ERBB3: variants seen among roughly 807,000 people sequenced by gnomAD.
ERBB3 encodes erb-b2 receptor tyrosine kinase 3.
In ERBB3, 96 loss-of-function variants were observed where a neutral mutation model predicts 156.7. The ratio of observed to expected loss-of-function variants is 0.61; its 90% CI spans 0.52 to 0.73. The LOEUF is 0.73. ERBB3 is among the 30% of genes least tolerant of loss of function. The pLI, the probability that ERBB3 is intolerant of heterozygous loss-of-function variation, is 0.00. For synonymous variants in ERBB3, 567 were observed against 632.0 expected (o/e 0.90, Z 1.54); for missense variants, 1,406 against 1,709.4 (o/e 0.82, Z 3.13).
Position 56,096,531 on chromosome 12 carries a change from A to G in ERBB3, c.2084A>G (p.Lys695Arg). Reference sequence around the variant, plus strand: ...ATAGAGCCTCTGGACCCCAGTGAGAAGGCTAACAAAGTCTTGGCCAGAATC... The same window carrying G: ...ATAGAGCCTCTGGACCCCAGTGAGAGGGCTAACAAAGTCTTGGCCAGAATC... ...ESIEPLDPSE[K>R]ANKVLARIFK... The change falls in exon 18 of 28, where the codon AAG (lysine) becomes AGG (arginine). Residue 695 changes from lysine to arginine, a missense_variant. Lys to Arg is a conservative substitution (Grantham distance 26). Around this residue, in one of 3 missense-constraint regions of ERBB3, gnomAD observed 979 missense variants for 1,219.6 expected, o/e 0.80. Transcript: ENST00000267101. 1 of 1,614,192 alleles carries G rather than the reference A, an allele frequency of 6.2e-7. No individual in the cohort carries two copies. Among genetic ancestry groups the G allele is most frequent in the Non-Finnish European group, 8.5e-7 (1 of 1,180,034 alleles).
In ERBB3 at chr12:56,102,603, T is replaced by G. The variant is rs891001243; in HGVS notation, c.*548T>G. On this transcript the variant is annotated 3_prime_UTR_variant, in exon 28 of 28. Transcript: ENST00000267101. Reference sequence around the variant, plus strand: ...CTATGAGCCAGGCATCATACTAAACTTCACCTACATTATCTCACTTAGTCC... The same window carrying G: ...CTATGAGCCAGGCATCATACTAAACGTCACCTACATTATCTCACTTAGTCC... 1 of 234,924 alleles carries G rather than the reference T, an allele frequency of 4.3e-6. No individual in the cohort carries two copies. Among genetic ancestry groups the G allele is most frequent in the Non-Finnish European group, 8.4e-6 (1 of 119,160 alleles). The allele number at this position is 234,924 out of a possible 1,614,324, so 14.6% of individuals were successfully genotyped here.
Position 56,098,481 on chromosome 12 carries a change from C to T in ERBB3, c.2617-19C>T, listed in dbSNP as rs747986362. 3.2e-6 allele frequency: 5 copies of T among 1,566,654 alleles called. No individual in the cohort carries two copies. In the Admixed American group the frequency reaches 6.7e-5, roughly 21 times the overall value. ...ATTTGTGGAAATAAACTTGTGATAC[C>T]TCTATCTTTAATCCGCAGACTCCAA... On this transcript the variant is annotated intron_variant, in intron 21 of 27. Transcript: ENST00000267101.
chr12:56,101,302 C>G lies in ERBB3; in HGVS notation c.3443C>G (p.Pro1148Arg), dbSNP rs1440261450. 1 of 1,614,202 alleles carries G rather than the reference C, an allele frequency of 6.2e-7. No individual in the cohort carries two copies. The highest frequency in any genetic ancestry group is 8.5e-7 in the Non-Finnish European group (1 of 1,180,032). Residue 1148 changes from proline to arginine, a missense_variant, in exon 27 of 28, where the codon CCA becomes CGA. Transcript: ENST00000267101. ...SLLTPVTPLS[P>R]PGLEEEDVNG... ...CTGACTCCTGTTACCCCACTCTCCC[C>G]ACCCGGGTTAGAGGAAGAGGATGTC...
At chr12:56,089,474 C>A (rs1034429505) in intron 9 of ERBB3, among the ~76,000 whole-genome samples, 2 of 152,000 alleles carry the variant, frequency 1.3e-5, no homozygotes, top group Non-Finnish European at 2.9e-5. Flanking sequence ...CAGGCTGGGC[C>A]CGGTGGCTCA....
Position 56,093,467 on chromosome 12 carries a change from A to G in ERBB3, c.1397A>G (p.His466Arg), listed in dbSNP as rs1408437991. Reference sequence around the variant, plus strand: ...GCCAATAGGCAGCTCTGCTACCACCACTCTTTGAACTGGACCAAGGTGCTT... The same window carrying G: ...GCCAATAGGCAGCTCTGCTACCACCGCTCTTTGAACTGGACCAAGGTGCTT... Reference protein sequence around the residue: ...ISANRQLCYHHSLNWTKVLRG... With the variant: ...ISANRQLCYHRSLNWTKVLRG... The change falls in exon 12 of 28, where the codon CAC becomes CGC. Residue 466 changes from histidine to arginine, a missense_variant. Around this residue, in one of 3 missense-constraint regions of ERBB3, gnomAD observed 979 missense variants for 1,219.6 expected, o/e 0.80. Coordinates refer to ENST00000267101, the MANE Select transcript of ERBB3 (RefSeq NM_001982.4). 3.1e-6 allele frequency: 5 copies of G among 1,613,480 alleles called. No individual in the cohort carries two copies. Among genetic ancestry groups the G allele is most frequent in the Non-Finnish European group, 4.2e-6 (5 of 1,179,924 alleles).
chr12:56,096,909 A>G (rs1868907426), intron 19 of ERBB3, 63 bp downstream of exon 19: 1 of 1,435,756 alleles, frequency 7.0e-7, no homozygotes, highest in African/African-American at 1.4e-5. Context: ...AATCATGTAG[A>G]AGCAGGGTCC....
rs144377156 is a variant in ERBB3 at position 56,089,070 on chromosome 12, A to G, written c.1109+202A>G. On this transcript the variant is annotated intron_variant, in intron 9 of 27. Transcript: ENST00000267101. ...CTCAGGAACATCTTTGAGCAATTCA[A>G]TATCGCCCTGCCAAGGAACAAGGGA... The G allele has an allele frequency of 0.011, 7,710 of 685,038 alleles. 54 individuals carry two copies. Among genetic ancestry groups the G allele is most frequent in the Non-Finnish European group, 0.015 (5,831 of 377,840 alleles). The allele number at this position is 685,038 out of a possible 1,614,324, so 42.4% of individuals were successfully genotyped here.
rs1169748446 is a variant in ERBB3, at chr12:56,099,870, A to G, written c.2970A>G (p.Pro990=). ...RESGPGIAPG[P]EPHGLTNKKL... is the part of the protein sequence containing the mutation. ...GTGGGCCTGGAATAGCCCCTGGGCC[A>G]GAGCCCCATGGTCTGACAAACAAGA... The change falls in exon 25 of 28, where the codon CCA becomes CCG. Residue 990 remains proline (P), a synonymous_variant. Coordinates refer to ENST00000267101, the MANE Select transcript of ERBB3 (RefSeq NM_001982.4). The G allele has an allele frequency of 6.2e-7, 1 of 1,614,120 alleles. No homozygotes were observed. The highest frequency in any genetic ancestry group is 1.3e-5 in the African/African-American group (1 of 74,956).
rs190034531 is a variant in ERBB3 at position 56,080,378 on chromosome 12, G to A, written c.78G>A (p.Gln26=). 571 of 1,593,020 alleles carry A rather than the reference G, an allele frequency of 3.6e-4. 1 individual carries two copies. In the East Asian group the frequency reaches 0.011, roughly 30 times the overall value. Residue 26 remains glutamine (Q), a synonymous_variant, in exon 1 of 28, where the codon CAG becomes CAA. Coordinates refer to ENST00000267101, the MANE Select transcript of ERBB3 (RefSeq NM_001982.4). ...LARGSEVGNS[Q]AVCPGTLNGL... is the part of the protein sequence containing the mutation. ...GGGGCTCCGAGGTGGGCAACTCTCA[G>A]GCAGGTAAGTGGCGCGAGAGCACCG...
chr12:56,097,360 T>C, intron 20 of ERBB3, 130 bp downstream of exon 20: 1 of 846,000 alleles, frequency 1.2e-6, no homozygotes, highest in South Asian at 1.4e-5. Flanking sequence ...TACCAGTCCA[T>C]GGCCTGTTAG....
chr12:56,095,198 G>C, intron 15 of ERBB3, 59 bp from the exon 16 acceptor site: 1 of 1,289,304 alleles, frequency 7.8e-7, no homozygotes, highest in Non-Finnish European at 1.1e-6. Flanking sequence ...ATGTTAGGCT[G>C]TTGAAATTGA....
At position 56,101,779 on chromosome 12, in the gene ERBB3, T is replaced by G. The variant is rs753971721; in HGVS notation, c.3753T>G (p.Thr1251=). The change falls in exon 28 of 28, where the codon ACT becomes ACG. Residue 1251 remains threonine (T), a synonymous_variant. Transcript: ENST00000267101. ...CPLHPVPIMP[T]AGTTPDEDYE... ...TCCACCCTGTACCCATCATGCCCAC[T>G]GCAGGCACAACTCCAGATGAAGACT... is the stretch of plus-strand genomic sequence containing the variant. 1.3e-5 allele frequency: 21 copies of G among 1,613,536 alleles called. No individual in the cohort carries two copies. Among genetic ancestry groups the G allele is most frequent in the Non-Finnish European group, 1.8e-5 (21 of 1,179,890 alleles).
At chr12:56,089,725 C>T (rs911526033) in intron 9 of ERBB3, among the ~76,000 whole-genome samples, 2 of 150,804 alleles carry the variant, frequency 1.3e-5, no homozygotes, top group Non-Finnish European at 3.0e-5. Flanking sequence ...AGCCTGGCGA[C>T]AGAGCGAGAC....
rs529498703 is a variant in ERBB3, at chr12:56,101,096, C to T, written c.3237C>T (p.Pro1079=). The part of the protein sequence containing the change: ...SAVSGSSERC[P]RPVSLHPMPR... ...TTTCTGGGAGCAGTGAACGGTGCCC[C>T]CGTCCAGTCTCTCTACACCCAATGC... Residue 1079 remains proline (P), a synonymous_variant, in exon 27 of 28, where the codon CCC becomes CCT. Transcript: ENST00000267101. The T allele has an allele frequency of 6.2e-7, 1 of 1,614,094 alleles. No homozygotes were observed. Among genetic ancestry groups the T allele is most frequent in the African/African-American group, 1.3e-5 (1 of 75,012 alleles).
chr12:56,092,717 T>C lies in ERBB3; in HGVS notation c.1110-30T>C, dbSNP rs776780937. The C allele has an allele frequency of 3.6e-5, 56 of 1,546,326 alleles. 1 individual carries two copies. In the Admixed American group the frequency reaches 7.3e-4, roughly 20 times the overall value. ...ATTGCCATTGAGTTATACCTTTACC[T>C]TATTGACTGGTTTCTACTGTTCTAT... On this transcript the variant is annotated intron_variant, in intron 9 of 27. Transcript: ENST00000267101.
At chr12:56,098,719 A>G (rs2136821976) in intron 22 of ERBB3, 40 bp from the exon 23 acceptor site, 1 of 1,612,330 alleles carries the variant, frequency 6.2e-7, no homozygotes, top group Non-Finnish European at 8.5e-7. Flanking sequence ...GCCCATGTCT[A>G]CTATTTTGCC....
At chr12:56,100,291 C>G in intron 26 of ERBB3, 46 bp downstream of exon 26, 1 of 1,420,830 alleles carries the variant, frequency 7.0e-7, no homozygotes, top group Non-Finnish European at 1.0e-6. Flanking sequence ...CAGATTGATA[C>G]GAGTAGTATG....
At chr12:56,080,521 GA>G in intron 1 of ERBB3, 139 bp downstream of exon 1, 1 of 697,566 alleles carries the variant, frequency 1.4e-6, no homozygotes, top group South Asian at 1.8e-5. Context: ...CCACCTGGGA[GA>G]GGGGCGGTCA....
At chr12:56,094,663 C>A in intron 15 of ERBB3, 107 bp downstream of exon 15, 3 of 1,354,796 alleles carry the variant, frequency 2.2e-6, no homozygotes, top group Non-Finnish European at 3.1e-6. Context: ...AAGAATCACT[C>A]CCAGCTGGCC....
Sources: gnomAD v4.1 joint callset for allele counts (sites outside exome capture counted in the v4.1 genomes callset) on GRCh38, gnomAD v4.1.1 for gene constraint, gnomAD v4.1.1 regional missense constraint, MANE v1.5 for transcripts, NCBI Gene and HGNC (gene_info 2026-07-23, HGNC 2026-07-21) for gene names.